Variants in STAB1 observed in about 807,000 individuals in gnomAD.
STAB1 encodes stabilin 1.
STAB1 carries 250 observed loss-of-function variants against 332.4 expected under a neutral mutation model. The observed-to-expected ratio is 0.75, with a 90% CI of 0.68 to 0.84. The LOEUF (loss-of-function observed/expected upper bound fraction) is 0.84, where lower values mean the gene tolerates loss of function less well. STAB1 is among the 40% of genes least tolerant of loss of function. The pLI, the probability that STAB1 is intolerant of heterozygous loss-of-function variation, is 0.00. For missense variants in STAB1, 3,249 were observed against 3,489.7 expected, an observed-to-expected ratio of 0.93 and a Z score of 1.74; for synonymous variants, 1,475 against 1,390.4, an observed-to-expected ratio of 1.06 and a Z score of -1.35.
rs767234451 is a variant in STAB1, at chr3:52,518,788, G to A, written c.4953G>A (p.Arg1651=). ...TTCGCTACCACGTGGTTGGCTGTCGGCGGCTGCGGAGCGAGGACCTGCTGG... is the reference window on the plus strand; with the variant it reads ...TTCGCTACCACGTGGTTGGCTGTCGACGGCTGCGGAGCGAGGACCTGCTGG... ...LVFRYHVVGC[R]RLRSEDLLEQ... Residue 1651 remains arginine, a synonymous_variant, in exon 48 of 69, where the codon CGG becomes CGA. Coordinates refer to ENST00000321725, the MANE Select transcript of STAB1 (RefSeq NM_015136.3). 5 of 1,612,238 alleles carry A rather than the reference G, an allele frequency of 3.1e-6. No individual in the cohort carries two copies. The highest frequency in any genetic ancestry group is 4.2e-6 in the Non-Finnish European group (5 of 1,179,780).
At position 52,520,090 on chromosome 3, in the gene STAB1, T is replaced by A; in HGVS notation, c.5382T>A (p.Ile1794=). The change falls in exon 51 of 69, where the codon ATT becomes ATA. Residue 1794 remains isoleucine (I), a synonymous_variant. Transcript: ENST00000321725. ...HEDHRDKLAA[I]LRGHMIRNVE... is the part of the protein sequence containing the mutation. ...ACCACCGTGACAAGCTAGCAGCCAT[T>A]CTGCGGGGCCACATGATTCGCAATG... 6.2e-7 allele frequency: 1 copy of A among 1,610,770 alleles called. No homozygotes were observed. The highest frequency in any genetic ancestry group is 8.5e-7 in the Non-Finnish European group (1 of 1,178,116).
rs749427730 is a variant in STAB1 at position 52,521,682 on chromosome 3, C to T, written c.6145C>T (p.Arg2049Cys). Residue 2049 changes from arginine (R) to cysteine (C), a missense_variant, in exon 57 of 69, where the codon CGC becomes TGC. Coordinates refer to ENST00000321725, the MANE Select transcript of STAB1 (RefSeq NM_015136.3). ...CFCDEGWTGP[R>C]CEVQLELQPV... ...CTGTGATGAAGGCTGGACTGGGCCA[C>T]GCTGTGAGGTGCAACTGGGTGAGTA... is the stretch of plus-strand genomic sequence containing the variant. The T allele has an allele frequency of 5.5e-5, 89 of 1,612,668 alleles. No homozygotes were observed. The highest frequency in any genetic ancestry group is 1.3e-4 in the African/African-American group (10 of 74,938).
chr3:52,498,018 TC>T (rs1708172076), intron 1 of STAB1, among the ~76,000 whole-genome samples: 1 of 152,074 alleles, frequency 6.6e-6, no homozygotes, highest in South Asian at 2.1e-4. Context: ...AGGAGCACGG[TC>T]CAGAACCCAG....
chr3:52,499,898 C>CA (rs4045133), intron 1 of STAB1, among the ~76,000 whole-genome samples: 2,293 of 37,060 alleles, frequency 0.062, 533 homozygotes, highest in African/African-American at 0.24. Flanking sequence ...GACTCCATCT[C>CA]AAAAAAAAAA....
Position 52,521,432 on chromosome 3 carries a change from C to T in STAB1, c.5980C>T (p.Gln1994Ter), listed in dbSNP as rs747805970. 8 of 1,614,024 alleles carry T rather than the reference C, an allele frequency of 5.0e-6. No individual in the cohort carries two copies. The highest frequency in any genetic ancestry group is 6.8e-6 in the Non-Finnish European group (8 of 1,180,030). ...VCMDGMSGSG[Q>*]CLCRSGFAGT... is the part of the protein sequence containing the mutation. ...CATGGACGGCATGAGTGGCAGTGGGCAGTGTCTGTGCCGTTCAGGTTTTGC... is the reference window on the plus strand; with the variant it reads ...CATGGACGGCATGAGTGGCAGTGGGTAGTGTCTGTGCCGTTCAGGTTTTGC... Residue 1994 changes from glutamine (Q) to a stop codon, truncating the protein, a stop_gained, in exon 56 of 69, where the codon CAG becomes TAG. Transcript: ENST00000321725. LOFTEE classifies it high-confidence loss of function.
rs139225609 is a variant in STAB1 at position 52,521,045 on chromosome 3, C to G, written c.5908+40C>G. 50 of 1,488,882 alleles carry G rather than the reference C, an allele frequency of 3.4e-5. No individual in the cohort carries two copies. The East Asian group carries it at 1.2e-3, about 35-fold the overall frequency. 92.2% of individuals were successfully genotyped at this position (1,488,882 alleles called of 1,614,324 possible). ...CACTGTTGACTAGCTCCTCTGTTCCCCAAGAGAGCCAAGGCACAGCTCTGG... is the reference window on the plus strand; with the variant it reads ...CACTGTTGACTAGCTCCTCTGTTCCGCAAGAGAGCCAAGGCACAGCTCTGG... On this transcript the variant is annotated intron_variant, in intron 55 of 68. Coordinates refer to ENST00000321725, the MANE Select transcript of STAB1 (RefSeq NM_015136.3).
chr3:52,518,871 T>C lies in STAB1; in HGVS notation c.5034+2T>C. 3 of 1,565,614 alleles carry C rather than the reference T, an allele frequency of 1.9e-6. No individual in the cohort carries two copies. Among genetic ancestry groups the C allele is most frequent in the Non-Finnish European group, 2.6e-6 (3 of 1,160,794 alleles). ...CCACTGCGCTTCAGCGAGAGGGAGGTGAGCCCTGGCCCTGGCCTGCCCCGC... is the reference window on the plus strand; with the variant it reads ...CCACTGCGCTTCAGCGAGAGGGAGGCGAGCCCTGGCCCTGGCCTGCCCCGC... On this transcript the variant is annotated splice_donor_variant, in intron 48 of 68. Coordinates refer to ENST00000321725, the MANE Select transcript of STAB1 (RefSeq NM_015136.3). LOFTEE classifies it high-confidence loss of function.
chr3:52,510,655 C>T (rs1709232436), intron 25 of STAB1, 148 bp downstream of exon 25: 1 of 1,091,346 alleles, frequency 9.2e-7, no homozygotes, highest in South Asian at 1.7e-5. Flanking sequence ...TGAGTAGTAG[C>T]ATCTGGGATT....
chr3:52,514,676 A>G lies in STAB1; in HGVS notation c.3679-25A>G, dbSNP rs376986475. 2.5e-6 allele frequency: 4 copies of G among 1,612,622 alleles called. No homozygotes were observed. The East Asian group carries it at 6.7e-5, about 27-fold the overall frequency. On this transcript the variant is annotated intron_variant, in intron 34 of 68. Transcript: ENST00000321725. ...CCAGGTGAGGGTGGTAGGTGGGTGGATTCAGCCTCCATCCCTCTCCCCAGC... is the reference window on the plus strand; with the variant it reads ...CCAGGTGAGGGTGGTAGGTGGGTGGGTTCAGCCTCCATCCCTCTCCCCAGC...
At chr3:52,518,249 G>A (rs2078942743) in intron 45 of STAB1, 63 bp from the exon 46 acceptor site, 2 of 1,602,068 alleles carry the variant, frequency 1.2e-6, no homozygotes, top group Admixed American at 1.7e-5. Flanking sequence ...CGCAGGTGCT[G>A]GGACAGGCAC....
intron 63 of STAB1, 37 bp downstream of exon 63, chr3:52,523,171 G>T: frequency 1.2e-6 from 2 of 1,611,338 alleles, no homozygotes; most frequent in Non-Finnish European, 1.7e-6. Context: ...GGGGGTGCTG[G>T]GATCCCCGAG....
At chr3:52,503,156 G>A (rs1484782615) in intron 7 of STAB1, 47 bp downstream of exon 7, 2 of 1,532,842 alleles carry the variant, frequency 1.3e-6, no homozygotes, top group Non-Finnish European at 8.8e-7. Context: ...GGGCGGGCGG[G>A]GGCTGGGAGA....
Position 52,521,634 on chromosome 3 carries a change from C to T in STAB1, c.6097C>T (p.Leu2033Phe). The change falls in exon 57 of 69, where the codon CTT (leucine) becomes TTT (phenylalanine). Residue 2033 changes from leucine (L) to phenylalanine (F), a missense_variant. Physicochemically the swap from Leu to Phe is conservative, Grantham distance 22. Coordinates refer to ENST00000321725, the MANE Select transcript of STAB1 (RefSeq NM_015136.3). ...TGTGCATGGCCGCTGTGATGAGGGC[C>T]TTGGGGGCTCTGGCTCCTGCTTCTG... Reference protein sequence around the residue: ...CTVHGRCDEGLGGSGSCFCDE... With the variant: ...CTVHGRCDEGFGGSGSCFCDE... 7 of 1,613,142 alleles carry T rather than the reference C, an allele frequency of 4.3e-6. No individual in the cohort carries two copies. Among genetic ancestry groups the T allele is most frequent in the Non-Finnish European group, 5.9e-6 (7 of 1,179,908 alleles).
chr3:52,503,762 CG>C lies in STAB1; in HGVS notation c.892-5del. The stretch of plus-strand genomic sequence containing the variant: ...ACGTGGTGTTCCCCTCCTGCCCTGT[CG>C]GGGGCCAGGCCTTCTGCACCTGCCG... On this transcript the variant is annotated splice_polypyrimidine_tract_variant and intron_variant, in intron 8 of 68. Coordinates refer to ENST00000321725, the MANE Select transcript of STAB1 (RefSeq NM_015136.3). 6.2e-7 allele frequency: 1 copy of C among 1,612,844 alleles called. No individual in the cohort carries two copies. The highest frequency in any genetic ancestry group is 8.5e-7 in the Non-Finnish European group (1 of 1,179,950).
Position 52,503,353 on chromosome 3 carries a change from C to T in STAB1, c.704C>T (p.Pro235Leu). Residue 235 changes from proline to leucine, a missense_variant, in exon 8 of 69, where the codon CCC (proline) becomes CTC (leucine). Pro to Leu is a moderately conservative substitution (Grantham distance 98). Transcript: ENST00000321725. ...CTCTCTGCCCTGGCAGCCCCCAACC[C>T]CTGCTGGCCATCACCCTGCTCACTG... is the stretch of plus-strand genomic sequence containing the variant. ...QQGSECRAPN[P>L]CWPSPCSLLA... 1 of 1,609,938 alleles carries T rather than the reference C, an allele frequency of 6.2e-7. No individual in the cohort carries two copies. The highest frequency in any genetic ancestry group is 8.5e-7 in the Non-Finnish European group (1 of 1,177,604).
chr3:52,518,264 C>T, intron 45 of STAB1, 48 bp from the exon 46 acceptor site: 3 of 1,607,336 alleles, frequency 1.9e-6, no homozygotes, highest in Non-Finnish European at 2.6e-6. Context: ...AGGCACCAGG[C>T]CCTGAATGGG....
In STAB1 at chr3:52,523,468, C is replaced by T. The variant is rs369118045; in HGVS notation, c.7182C>T (p.Ala2394=). 3.1e-6 allele frequency: 5 copies of T among 1,611,020 alleles called. No homozygotes were observed. Among genetic ancestry groups the T allele is most frequent in the Non-Finnish European group, 4.2e-6 (5 of 1,178,484 alleles). ...GPDLELHASN[A]TLLSANASQG... is the part of the protein sequence containing the mutation. Reference sequence around the variant, plus strand: ...ACTTGGAGCTGCATGCCTCCAACGCCACCCTCCTAAGTGCCAACGCCAGCC... The same window carrying T: ...ACTTGGAGCTGCATGCCTCCAACGCTACCCTCCTAAGTGCCAACGCCAGCC... Residue 2394 remains alanine, a synonymous_variant, in exon 65 of 69, where the codon GCC becomes GCT. Coordinates refer to ENST00000321725, the MANE Select transcript of STAB1 (RefSeq NM_015136.3).
In STAB1 at chr3:52,522,188, C is replaced by G. The variant is rs779547243; in HGVS notation, c.6423C>G (p.Arg2141=). 3.7e-6 allele frequency: 6 copies of G among 1,612,602 alleles called. No homozygotes were observed. The Admixed American group carries it at 1.0e-4, about 27-fold the overall frequency. The change falls in exon 59 of 69, where the codon CGC becomes CGG. Residue 2141 remains arginine, a synonymous_variant. Coordinates refer to ENST00000321725, the MANE Select transcript of STAB1 (RefSeq NM_015136.3). The part of the protein sequence containing the change: ...RARNPCTDGH[R]GGCSEHANCL... ...GCAACCCCTGCACAGATGGCCACCGCGGGGGCTGCAGCGAGCACGCCAACT... is the reference window on the plus strand; with the variant it reads ...GCAACCCCTGCACAGATGGCCACCGGGGGGGCTGCAGCGAGCACGCCAACT...
At chr3:52,508,061 C>A in intron 20 of STAB1, 35 bp downstream of exon 20, 1 of 1,596,654 alleles carries the variant, frequency 6.3e-7, no homozygotes, top group Non-Finnish European at 8.6e-7. Context: ...TCCCAGGTCA[C>A]CTGGGCACCT....
Sources: allele counts gnomAD v4.1 joint callset (sites outside exome capture counted in the v4.1 genomes callset), GRCh38; gene constraint gnomAD v4.1.1; transcripts MANE v1.5; gene names NCBI Gene and HGNC (gene_info 2026-07-23, HGNC 2026-07-21).